CNTN3: variants seen among roughly 807,000 people sequenced by gnomAD.
CNTN3 encodes contactin-3.
CNTN3 carries 60 observed loss-of-function variants against 119.1 expected under a neutral mutation model. The ratio of observed to expected loss-of-function variants is 0.50; its 90% CI spans 0.41 to 0.62. The LOEUF (loss-of-function observed/expected upper bound fraction) is 0.62, where lower values mean the gene tolerates loss of function less well. Ranked by LOEUF, CNTN3 falls within the 20% of genes least tolerant of loss-of-function variation. The pLI is 0.00. For synonymous variants in CNTN3, 450 were observed against 438.7 expected, an observed-to-expected ratio of 1.03 and a Z score of -0.32; for missense variants, 1,101 against 1,242.4, an observed-to-expected ratio of 0.89 and a Z score of 1.71.
At chr3:74,291,099 T>G (rs1559684370) in intron 19 of CNTN3, among the ~76,000 whole-genome samples, 1 of 151,854 alleles carries the variant, frequency 6.6e-6, no homozygotes, top group Non-Finnish European at 1.5e-5. Flanking sequence ...CCACCCTGTG[T>G]CCAAGTGTTC....
intron 5 of CNTN3, among the ~76,000 whole-genome samples, chr3:74,396,555 G>T (rs1189134090): frequency 6.6e-6 from 1 of 150,608 alleles, no homozygotes; most frequent in Non-Finnish European, 1.5e-5. Flanking sequence ...GACCACCCTG[G>T]CTAACACGGT....
intron 1 of CNTN3, among the ~76,000 whole-genome samples, chr3:74,526,519 C>A (rs1296645474): frequency 6.6e-6 from 1 of 151,854 alleles, no homozygotes; most frequent in Non-Finnish European, 1.5e-5. Context: ...TGTAGTTCAT[C>A]CATTCTGCAT....
chr3:74,269,999 A>G (rs1480963454), intron 20 of CNTN3, among the ~76,000 whole-genome samples: 1 of 152,176 alleles, frequency 6.6e-6, no homozygotes, highest in African/African-American at 2.4e-5. Context: ...TAGTATGTTA[A>G]ATTTTATGTT....
intron 13 of CNTN3, among the ~76,000 whole-genome samples, chr3:74,317,698 G>A (rs188567637): frequency 1.7e-3 from 255 of 152,296 alleles, no homozygotes; most frequent in Middle Eastern, 0.01. Flanking sequence ...AGTTTCTGTG[G>A]AGAGATCAGC....
intron 1 of CNTN3, among the ~76,000 whole-genome samples, chr3:74,599,919 A>T (rs376848206): frequency 1.3e-5 from 2 of 152,082 alleles, no homozygotes; most frequent in East Asian, 3.9e-4. Flanking sequence ...TGAAGAGAGA[A>T]CATTATGTTG....
At position 74,365,641 on chromosome 3, in the gene CNTN3, A is replaced by G. The variant is rs1230516410; in HGVS notation, c.1008T>C (p.Tyr336=). Residue 336 remains tyrosine (Y), a synonymous_variant, in exon 9 of 23, where the codon TAT becomes TAC. Transcript: ENST00000263665. Reference sequence around the variant, plus strand: ...GCTTGCCGCTTGCCCTGCATTCCCAATAAAGACTGTCCTCCACGGCTATTT... The same window carrying G: ...GCTTGCCGCTTGCCCTGCATTCCCAGTAAAGACTGTCCTCCACGGCTATTT... ...DVEIAVEDSL[Y]WECRASGKPK... 4 of 1,613,570 alleles carry G rather than the reference A, an allele frequency of 2.5e-6. No homozygotes were observed. The highest frequency in any genetic ancestry group is 1.1e-5 in the South Asian group (1 of 91,068).
At chr3:74,408,811 C>T (rs1337363963) in intron 5 of CNTN3, among the ~76,000 whole-genome samples, 1 of 152,246 alleles carries the variant, frequency 6.6e-6, no homozygotes, top group East Asian at 1.9e-4. Flanking sequence ...TCATTCATCT[C>T]TCCTTTGTCT....
At chr3:74,325,123 A>C (rs1399999978) in intron 13 of CNTN3, among the ~76,000 whole-genome samples, 1 of 152,176 alleles carries the variant, frequency 6.6e-6, no homozygotes, top group African/African-American at 2.4e-5. Flanking sequence ...CTTTGGCAAA[A>C]AAAAAAAATC....
rs142108624 is a variant in CNTN3, at chr3:74,351,441, G to A, written c.1364+10449C>T. ...CCTGGCCTCATTTTCCAGTAAGGAA[G>A]CCAAGGCTCAGGAATTATGTAACTT... On this transcript the variant is annotated intron_variant, in intron 11 of 22. Coordinates refer to ENST00000263665, the MANE Select transcript of CNTN3 (RefSeq NM_020872.3). Among the ~76,000 whole-genome samples, 33 of 152,304 alleles carry A rather than the reference G, an allele frequency of 2.2e-4. No individual in the cohort carries two copies. The East Asian group carries it at 3.5e-3, about 16-fold the overall frequency.
In CNTN3 at chr3:74,291,625, T is replaced by G. The variant is rs9868418; in HGVS notation, c.2517+3496A>C. The stretch of plus-strand genomic sequence containing the variant: ...CGATCTCCTGACCTCATGATCTGCT[T>G]GCCTCGGCCTCCCAAAGTGCTGGGA... On this transcript the variant is annotated intron_variant, in intron 19 of 22. Transcript: ENST00000263665. Among the ~76,000 whole-genome samples, 905 of 152,256 alleles carry G rather than the reference T, an allele frequency of 5.9e-3. 11 individuals carry two copies. The highest frequency in any genetic ancestry group is 0.021 in the African/African-American group (869 of 41,542).
chr3:74,274,483 A>G (rs1224670786), intron 20 of CNTN3, among the ~76,000 whole-genome samples: 1 of 152,160 alleles, frequency 6.6e-6, no homozygotes, highest in African/African-American at 2.4e-5. Context: ...ATAGGACTCT[A>G]TGCAGACAAC....
intron 2 of CNTN3, among the ~76,000 whole-genome samples, chr3:74,513,377 T>G (rs1389184324): frequency 6.6e-6 from 1 of 152,028 alleles, no homozygotes; most frequent in Non-Finnish European, 1.5e-5. Context: ...ACCTCCCTGC[T>G]TATAAGATTG....
At chr3:74,581,030 T>C (rs1704496631) in intron 1 of CNTN3, among the ~76,000 whole-genome samples, 1 of 152,194 alleles carries the variant, frequency 6.6e-6, no homozygotes, top group Non-Finnish European at 1.5e-5. Flanking sequence ...CATGACTTCA[T>C]TCTTAATGGG....
intron 4 of CNTN3, among the ~76,000 whole-genome samples, chr3:74,486,251 T>C (rs547575293): frequency 6.6e-6 from 1 of 150,982 alleles, no homozygotes; most frequent in Non-Finnish European, 1.5e-5. Flanking sequence ...CACACCAGCA[T>C]ACACACAGAC....
intron 1 of CNTN3, among the ~76,000 whole-genome samples, chr3:74,539,582 T>G (rs745409803): frequency 1.3e-5 from 2 of 152,018 alleles, no homozygotes; most frequent in Non-Finnish European, 2.9e-5. Context: ...CAGTTTCTTC[T>G]GGGATGAAAA....
chr3:74,426,359 A>T (rs1263144904), intron 4 of CNTN3, among the ~76,000 whole-genome samples: 1 of 152,228 alleles, frequency 6.6e-6, no homozygotes, highest in East Asian at 1.9e-4. Flanking sequence ...TGGTGTCTAT[A>T]CACAGTGAAG....
intron 13 of CNTN3, among the ~76,000 whole-genome samples, chr3:74,308,105 C>G (rs929538186): frequency 6.6e-6 from 1 of 152,092 alleles, no homozygotes; most frequent in East Asian, 1.9e-4. Flanking sequence ...GTAAGACTCC[C>G]GGAAGGAACA....
Position 74,264,376 on chromosome 3 carries a change from A to C in CNTN3, c.*25T>G. 7.6e-7 allele frequency: 1 copy of C among 1,322,966 alleles called. No individual in the cohort carries two copies. Among genetic ancestry groups the C allele is most frequent in the Non-Finnish European group, 1.0e-6 (1 of 986,140 alleles). 82.0% of individuals were successfully genotyped at this position (1,322,966 alleles called of 1,614,324 possible). ...TTTTTTGGTAACCAAATAACTTTCC[A>C]ATAAATAATAAAAAGGAGTTAATAT... On this transcript the variant is annotated 3_prime_UTR_variant, in exon 23 of 23. Transcript: ENST00000263665.
chr3:74,586,660 T>C (rs543472752), intron 1 of CNTN3, among the ~76,000 whole-genome samples: 2 of 152,064 alleles, frequency 1.3e-5, no homozygotes, highest in African/African-American at 4.8e-5. Flanking sequence ...ACCTCATGAG[T>C]TGGTTACAGC....
Sources: gnomAD v4.1 joint callset for allele counts (sites outside exome capture counted in the v4.1 genomes callset) on GRCh38, gnomAD v4.1.1 for gene constraint, MANE v1.5 for transcripts, NCBI Gene and HGNC (gene_info 2026-07-23, HGNC 2026-07-21) for gene names.